Variants in GIGYF2 observed in about 807,000 individuals in gnomAD.
The protein encoded by GIGYF2 is GRB10 interacting GYF protein 2.
In GIGYF2, 25 loss-of-function variants were observed where a neutral mutation model predicts 208.1. The ratio of observed to expected loss-of-function variants is 0.12; its 90% CI spans 0.09 to 0.17. The LOEUF (loss-of-function observed/expected upper bound fraction) is 0.17. Among genes scored for constraint, GIGYF2 ranks in the 10% least tolerant of loss-of-function variants. The pLI is 1.00. For missense variants in GIGYF2, 1,302 were observed against 1,579.4 expected (o/e 0.82, Z 2.98); for synonymous variants, 534 against 543.8 (o/e 0.98, Z 0.25).
Position 232,758,319 on chromosome 2 carries a change from A to G in GIGYF2, c.379+1985A>G, listed in dbSNP as rs1015893369. Among the ~76,000 whole-genome samples the G allele has an allele frequency of 2.6e-5, 4 of 152,368 alleles. No individual in the cohort carries two copies. In the East Asian group the frequency reaches 7.7e-4, roughly 29 times the overall value. On this transcript the variant is annotated intron_variant, in intron 6 of 28. Transcript: ENST00000373563. ...TATCATGTACTAGTAAAATTTAAAT[A>G]AACTAAATAGGTGGTAAGAACAACA...
chr2:232,764,058 T>C (rs1698850640), intron 8 of GIGYF2, among the ~76,000 whole-genome samples: 1 of 152,242 alleles, frequency 6.6e-6, no homozygotes, highest in East Asian at 1.9e-4. Flanking sequence ...GTTGGTATGC[T>C]GATCAGATTT....
intron 14 of GIGYF2, 55 bp downstream of exon 14, chr2:232,796,276 T>G (rs1381473298): frequency 2.7e-6 from 3 of 1,117,300 alleles, no homozygotes; most frequent in Non-Finnish European, 4.1e-6. Context: ...ACCTCCAGAA[T>G]CTCTAAGAAG....
chr2:232,760,434 C>T (rs755653896), intron 6 of GIGYF2, 46 bp from the exon 7 acceptor site: 1 of 1,190,992 alleles, frequency 8.4e-7, no homozygotes, highest in South Asian at 1.2e-5. Flanking sequence ...ATGTGTGCCA[C>T]ATGTTGACAT....
intron 2 of GIGYF2, chr2:232,719,085 G>T: frequency 6.6e-6 from 1 of 151,706 alleles, no homozygotes; most frequent in South Asian, 2.1e-4. Flanking sequence ...CTCTGCCTTC[G>T]AGCAATTCTT....
intron 18 of GIGYF2, among the ~76,000 whole-genome samples, chr2:232,814,278 G>C (rs1233942031): frequency 1.3e-5 from 2 of 151,940 alleles, no homozygotes; most frequent in Non-Finnish European, 2.9e-5. Context: ...CTACCTTCAG[G>C]CTGGCTGGGT....
chr2:232,762,030 A>T (rs1698759337), intron 8 of GIGYF2, among the ~76,000 whole-genome samples: 1 of 151,650 alleles, frequency 6.6e-6, no homozygotes, highest in Non-Finnish European at 1.5e-5. Context: ...AAGAATTTAT[A>T]CTGTTAAGAT....
intron 2 of GIGYF2, among the ~76,000 whole-genome samples, chr2:232,723,211 A>G (rs1039133910): frequency 4.6e-5 from 7 of 152,132 alleles, no homozygotes; most frequent in Admixed American, 4.6e-4. Context: ...CTCTGGTTAC[A>G]AGTAGATAGG....
intron 2 of GIGYF2, among the ~76,000 whole-genome samples, chr2:232,716,489 A>G (rs1696688257): frequency 6.9e-6 from 1 of 145,880 alleles, no homozygotes; most frequent in African/African-American, 2.5e-5. Context: ...AGCAATCCTC[A>G]TGCCTCAGTC....
Position 232,760,469 on chromosome 2 carries a change from C to A in GIGYF2, c.380-11C>A, listed in dbSNP as rs1374086771. On this transcript the variant is annotated splice_polypyrimidine_tract_variant and intron_variant, in intron 6 of 28. Transcript: ENST00000373563. ...TCTGACTATCATTTTTTTCTGTTTT[C>A]TTATTTTCAGGCAGAGGCAGAGGTG... 4.4e-6 allele frequency: 7 copies of A among 1,578,384 alleles called. No individual in the cohort carries two copies. Among genetic ancestry groups the A allele is most frequent in the Non-Finnish European group, 3.5e-6 (4 of 1,147,986 alleles).
intron 28 of GIGYF2, among the ~76,000 whole-genome samples, chr2:232,851,681 A>G (rs1690339689): frequency 6.6e-6 from 1 of 152,178 alleles, no homozygotes. Flanking sequence ...TGGCCTCCCA[A>G]AGTGCTGGGA....
In GIGYF2 at chr2:232,704,669, T is replaced by G. The variant is rs559737672; in HGVS notation, c.-44+1180T>G. On this transcript the variant is annotated intron_variant, in intron 2 of 28. Transcript: ENST00000373563. ...GCCTTTGCCTCCCAAAGTGCTGGGA[T>G]TACAGGTGTGAGCCACCACATATGG... Among the ~76,000 whole-genome samples, 13 of 152,140 alleles carry G rather than the reference T, an allele frequency of 8.5e-5. No homozygotes were observed. The East Asian group carries it at 2.5e-3, about 29-fold the overall frequency.
intron 3 of GIGYF2, among the ~76,000 whole-genome samples, chr2:232,746,270 T>A (rs866482817): frequency 6.6e-6 from 1 of 152,230 alleles, no homozygotes; most frequent in Admixed American, 6.5e-5. Context: ...TTTTACTGTT[T>A]ACTATGCATA....
At chr2:232,781,287 TACACACACACACAC>T (rs3062047) in intron 8 of GIGYF2, among the ~76,000 whole-genome samples, 3 of 127,058 alleles carry the variant, frequency 2.4e-5, no homozygotes, top group Non-Finnish European at 3.2e-5. Flanking sequence ...ATATCAGGAA[TACACACACACACAC>T]ACACACACAC....
At chr2:232,790,948 A>G (rs1316705341) in intron 10 of GIGYF2, 33 bp downstream of exon 10, 7 of 1,611,874 alleles carry the variant, frequency 4.3e-6, no homozygotes, top group African/African-American at 1.3e-5. Context: ...CATGACCAGC[A>G]TTAACCTTAT....
intron 16 of GIGYF2, 181 bp from the exon 17 acceptor site, chr2:232,811,063 G>A: frequency 1.8e-6 from 1 of 566,402 alleles, no homozygotes; most frequent in Non-Finnish European, 3.1e-6. Flanking sequence ...GTTCTTTCTA[G>A]AATGAAGCAT....
chr2:232,783,769 C>T (rs1236786439), intron 8 of GIGYF2, among the ~76,000 whole-genome samples: 2 of 152,122 alleles, frequency 1.3e-5, no homozygotes, highest in Non-Finnish European at 2.9e-5. Context: ...TCACCGCAAC[C>T]TCTGCCACCC....
intron 13 of GIGYF2, 45 bp downstream of exon 13, chr2:232,794,989 A>G (rs757639224): frequency 1.2e-5 from 16 of 1,372,476 alleles, no homozygotes; most frequent in Admixed American, 1.7e-5. Flanking sequence ...AAACTGCCGT[A>G]AGAATTAGCA....
intron 3 of GIGYF2, among the ~76,000 whole-genome samples, chr2:232,743,418 AT>A (rs34686382): frequency 6.6e-6 from 1 of 152,148 alleles, no homozygotes; most frequent in African/African-American, 2.4e-5. Context: ...TCATATGTGG[AT>A]TTTTTTAACT....
Position 232,771,519 on chromosome 2 carries a change from G to A in GIGYF2, c.532+10083G>A, listed in dbSNP as rs953411211. 38 of 556,794 alleles carry A rather than the reference G, an allele frequency of 6.8e-5. No individual in the cohort carries two copies. In the Middle Eastern group the frequency reaches 2.3e-3, roughly 34 times the overall value. 34.5% of individuals were successfully genotyped at this position (556,794 alleles called of 1,614,324 possible). A position where few individuals can be genotyped will look rare whatever the true frequency, so the allele number is the denominator to read the frequency against. ...CCAACTCTCTCGCTTTTCTCTTCACGTTAGATGGCATTTACTAAGTCATTC... is the reference window on the plus strand; with the variant it reads ...CCAACTCTCTCGCTTTTCTCTTCACATTAGATGGCATTTACTAAGTCATTC... On this transcript the variant is annotated intron_variant, in intron 8 of 28. Coordinates refer to ENST00000373563, the MANE Select transcript of GIGYF2 (RefSeq NM_001103146.3).
Sources: allele counts gnomAD v4.1 joint callset (sites outside exome capture counted in the v4.1 genomes callset), GRCh38; gene constraint gnomAD v4.1.1; transcripts MANE v1.5; gene names NCBI Gene and HGNC (gene_info 2026-07-23, HGNC 2026-07-21).